Variants in IFT46 observed in about 807,000 individuals in gnomAD.
IFT46 encodes intraflagellar transport protein 46 homolog.
IFT46 carries 19 observed loss-of-function variants against 39.6 expected under a neutral mutation model. The ratio of observed to expected loss-of-function variants is 0.48; its 90% CI spans 0.33 to 0.70. IFT46 has a LOEUF of 0.70. Ranked by LOEUF, IFT46 falls within the 30% of genes least tolerant of loss-of-function variation. IFT46 has a pLI of 0.01. For synonymous variants in IFT46, 117 were observed against 134.8 expected (o/e 0.87, Z 0.91); for missense variants, 334 against 364.8 (o/e 0.92, Z 0.69).
rs781800690 is a variant in IFT46, at chr11:118,556,939, T to C, written c.152A>G (p.Asp51Gly). The C allele has an allele frequency of 2.5e-6, 4 of 1,609,632 alleles. No homozygotes were observed. The highest frequency in any genetic ancestry group is 1.6e-4 in the Middle Eastern group (1 of 6,064). Residue 51 changes from aspartate to glycine, a missense_variant, in exon 4 of 12, where the codon GAT (aspartate) becomes GGT (glycine). By Grantham distance (94) the Asp-to-Gly change is moderately conservative (BLOSUM62 -1). Transcript: ENST00000264021. ...AGGGGCTCCATGCTCTTCATCATCA[T>C]CATCAGAATCAGAATCAGTTTCAGA... is the stretch of plus-strand genomic sequence containing the variant. ...DSSETDSDSD[D>G]DDEEHGAPLE... is the part of the protein sequence containing the mutation.
At chr11:118,553,069 G>A (rs1209234230) in intron 7 of IFT46, among the ~76,000 whole-genome samples, 2 of 150,390 alleles carry the variant, frequency 1.3e-5, no homozygotes, top group African/African-American at 2.4e-5. Flanking sequence ...GTAACAGAGC[G>A]AGACCCTGTC....
At chr11:118,576,439 A>AAC (rs1938510628), upstream of IFT46, among the ~76,000 whole-genome samples, 1 of 147,254 alleles carries the variant, frequency 6.8e-6, no homozygotes, top group Non-Finnish European at 1.5e-5. Flanking sequence ...AAAAAAAAAA[A>AAC]AAAAAAAAAA....
At chr11:118,545,720 T>C in intron 10 of IFT46, 73 bp downstream of exon 10, 1 of 1,470,960 alleles carries the variant, frequency 6.8e-7, no homozygotes, top group Non-Finnish European at 9.5e-7. Flanking sequence ...CTTCCCAGAG[T>C]AAACAAGCCT....
At chr11:118,572,410 T>C (rs1555072557) in intron 1 of IFT46, 1 of 490,402 alleles carries the variant, frequency 2.0e-6, no homozygotes, top group African/African-American at 2.5e-5. Context: ...GGGGCCGCCA[T>C]CTTGGCAAGA....
rs782205355 is a variant in IFT46, at chr11:118,544,956, G to A, written c.875C>T (p.Thr292Ile). 7 of 1,613,844 alleles carry A rather than the reference G, an allele frequency of 4.3e-6. No homozygotes were observed. The highest frequency in any genetic ancestry group is 2.2e-5 in the East Asian group (1 of 44,892). ...TGTCTCCATGTCTCCAGCTTGGGAG[G>A]TGGAATTGGATGAAGGAGTGAATGC... ...KKAFTPSSNSTSQAGDMETLT... is the reference protein window; with the variant it reads ...KKAFTPSSNSISQAGDMETLT... Residue 292 changes from threonine to isoleucine, a missense_variant, in exon 12 of 12, where the codon ACC becomes ATC. Physicochemically the swap from Thr to Ile is moderately conservative, Grantham distance 89. Coordinates refer to ENST00000264021, the MANE Select transcript of IFT46 (RefSeq NM_001168618.2).
chr11:118,563,346 G>A (rs1462870086), intron 2 of IFT46, among the ~76,000 whole-genome samples: 3 of 152,154 alleles, frequency 2.0e-5, no homozygotes, highest in Non-Finnish European at 2.9e-5. Flanking sequence ...TCTGGAAATA[G>A]TGGCGATGGT....
intron 2 of IFT46, among the ~76,000 whole-genome samples, chr11:118,563,533 G>A (rs1403360119): frequency 3.3e-5 from 5 of 152,086 alleles, no homozygotes; most frequent in African/African-American, 4.8e-5. Context: ...GTGATTCTGC[G>A]ACAATGTCTT....
Position 118,544,921 on chromosome 11 carries a change from T to G in IFT46, c.910A>C (p.Ser304Arg). Residue 304 changes from serine (S) to arginine (R), a missense_variant, in exon 12 of 12, where the codon AGC becomes CGC. Ser to Arg is a moderately radical substitution (Grantham distance 110). Coordinates refer to ENST00000264021, the MANE Select transcript of IFT46 (RefSeq NM_001168618.2). ...ACAGCAGCTTGGGAAGTGTCTCAGC[T>G]GAAGGTTAATGTCTCCATGTCTCCA... ...QAGDMETLTF[S>R] The G allele has an allele frequency of 6.2e-7, 1 of 1,611,394 alleles. No individual in the cohort carries two copies. The highest frequency in any genetic ancestry group is 8.5e-7 in the Non-Finnish European group (1 of 1,177,762).
rs573776498 is a variant in IFT46 at position 118,560,671 on chromosome 11, C to T, written c.-35-807G>A. 3.7e-5 allele frequency: 20 copies of T among 537,184 alleles called. No individual in the cohort carries two copies. In the East Asian group the frequency reaches 5.8e-4, roughly 15 times the overall value. The allele number at this position is 537,184 out of a possible 1,614,324, so 33.3% of individuals were successfully genotyped here. ...GCAGGTCTCTGTCGAGCCGCAAACG[C>T]GGGTCTCTGTTCCGCAGAATGGGGT... On this transcript the variant is annotated intron_variant, in intron 2 of 11. Transcript: ENST00000264021.
At chr11:118,561,530 T>C in intron 2 of IFT46, 2 of 721,624 alleles carry the variant, frequency 2.8e-6, no homozygotes, top group Non-Finnish European at 4.9e-6. Context: ...TCAGGTAGCT[T>C]AAAAGAAGGC....
At chr11:118,566,318 T>C (rs1938224597), upstream of IFT46, among the ~76,000 whole-genome samples, 1 of 152,186 alleles carries the variant, frequency 6.6e-6, no homozygotes, top group East Asian at 1.9e-4. Context: ...TATTACACTA[T>C]AGTCTTTCCC....
chr11:118,555,212 G>A, intron 5 of IFT46, 36 bp downstream of exon 5: 1 of 1,577,550 alleles, frequency 6.3e-7, no homozygotes. Context: ...GGCAAGGTAG[G>A]GATAGTGGGG....
chr11:118,574,936 T>C (rs1938452805), upstream of IFT46, among the ~76,000 whole-genome samples: 1 of 152,110 alleles, frequency 6.6e-6, no homozygotes, highest in African/African-American at 2.4e-5. Flanking sequence ...TTGATCTTTT[T>C]TTTGTATTCT....
chr11:118,551,502 C>T (rs1258312027), intron 9 of IFT46, among the ~76,000 whole-genome samples: 2 of 151,732 alleles, frequency 1.3e-5, no homozygotes, highest in Non-Finnish European at 2.9e-5. Context: ...AGCAAGACCT[C>T]GTCTCTACCA....
chr11:118,546,652 A>T (rs1309726500), intron 9 of IFT46: 1 of 156,886 alleles, frequency 6.4e-6, no homozygotes, highest in Admixed American at 6.1e-5. Context: ...ATAATACAAC[A>T]TGCTATTTTT....
upstream of IFT46, among the ~76,000 whole-genome samples, chr11:118,576,805 G>C (rs1158500228): frequency 1.3e-5 from 2 of 152,182 alleles, no homozygotes; most frequent in African/African-American, 4.8e-5. Flanking sequence ...TGGAAGCCTT[G>C]TTTTGCTTGT....
upstream of IFT46, among the ~76,000 whole-genome samples, chr11:118,574,301 C>G (rs905883043): frequency 2.0e-5 from 3 of 152,064 alleles, no homozygotes; most frequent in East Asian, 5.8e-4. Flanking sequence ...TTTTTGGGTC[C>G]TGCTCCTTTA....
chr11:118,547,840 G>A lies in IFT46; in HGVS notation c.673-1987C>T, dbSNP rs550869278. ...TGGCTCACTACAATCTCCGTCTCCC[G>A]GGTTCACGCCATTCTCCTGCCTCAG... On this transcript the variant is annotated intron_variant, in intron 9 of 11. Coordinates refer to ENST00000264021, the MANE Select transcript of IFT46 (RefSeq NM_001168618.2). Among the ~76,000 whole-genome samples the A allele has an allele frequency of 7.5e-4, 109 of 144,872 alleles. No homozygotes were observed. In the South Asian group the frequency reaches 0.013, roughly 17 times the overall value.
At chr11:118,573,690 A>T, upstream of IFT46, 1 of 702,836 alleles carries the variant, frequency 1.4e-6, no homozygotes, top group East Asian at 2.7e-5. Flanking sequence ...CAATCCTAAT[A>T]AGTTCTATTG....
Sources: gnomAD v4.1 joint callset for allele counts (sites outside exome capture counted in the v4.1 genomes callset) on GRCh38, gnomAD v4.1.1 for gene constraint, MANE v1.5 for transcripts, NCBI Gene and HGNC (gene_info 2026-07-23, HGNC 2026-07-21) for gene names.